Variants in FSTL5 observed in about 807,000 individuals in gnomAD.
FSTL5 encodes follistatin-related protein 5.
In FSTL5, 62 loss-of-function variants were observed where a neutral mutation model predicts 89.1. That is an observed-to-expected ratio of 0.70 (90% CI 0.57 to 0.86). The LOEUF is 0.86. Ranked by LOEUF, FSTL5 falls within the 40% of genes least tolerant of loss-of-function variation. The pLI is 0.00. For missense variants in FSTL5, 1,057 were observed against 1,001.6 expected (o/e 1.06, Z -0.75); for synonymous variants, 383 against 346.2 (o/e 1.11, Z -1.18).
chr4:161,728,914 C>A (rs148096375), intron 6 of FSTL5, among the ~76,000 whole-genome samples: 2 of 152,216 alleles, frequency 1.3e-5, no homozygotes, highest in African/African-American at 2.4e-5. Flanking sequence ...GTTAACGTTG[C>A]CACTGCTACA....
chr4:161,831,836 A>G (rs1730856008), intron 4 of FSTL5, among the ~76,000 whole-genome samples: 1 of 151,858 alleles, frequency 6.6e-6, no homozygotes, highest in South Asian at 2.1e-4. Context: ...GAAAAATTTA[A>G]AGACTTTTAA....
At chr4:161,668,486 G>A (rs1012340804) in intron 6 of FSTL5, among the ~76,000 whole-genome samples, 1 of 152,120 alleles carries the variant, frequency 6.6e-6, no homozygotes, top group Non-Finnish European at 1.5e-5. Context: ...TCACAAGATA[G>A]CAGAAGAAAT....
At chr4:161,589,475 G>A (rs554808767) in intron 7 of FSTL5, among the ~76,000 whole-genome samples, 7 of 152,066 alleles carry the variant, frequency 4.6e-5, no homozygotes, top group South Asian at 2.1e-4. Context: ...GAGCCACTAC[G>A]CCCAGCTAAT....
intron 3 of FSTL5, among the ~76,000 whole-genome samples, chr4:161,983,598 G>C (rs76973778): frequency 6.6e-6 from 1 of 151,994 alleles, no homozygotes; most frequent in Non-Finnish European, 1.5e-5. Flanking sequence ...TATGAAATAC[G>C]TGTCTTCCCT....
At chr4:161,474,312 A>T (rs1001616579) in intron 13 of FSTL5, among the ~76,000 whole-genome samples, 1 of 152,164 alleles carries the variant, frequency 6.6e-6, no homozygotes, top group Admixed American at 6.5e-5. Flanking sequence ...ATTATTTTAA[A>T]CGCATTATTT....
chr4:161,702,489 GGGT>G (rs931542897), intron 6 of FSTL5, among the ~76,000 whole-genome samples: 1 of 152,038 alleles, frequency 6.6e-6, no homozygotes, highest in African/African-American at 2.4e-5. Context: ...CTCCAAAAGG[GGGT>G]GCCATACCAG....
intron 6 of FSTL5, among the ~76,000 whole-genome samples, chr4:161,725,948 C>A (rs1033671843): frequency 6.6e-6 from 1 of 152,126 alleles, no homozygotes; most frequent in Non-Finnish European, 1.5e-5. Flanking sequence ...ATGCCAAAAA[C>A]CACAGTTACT....
chr4:161,523,339 A>G (rs1355166817), intron 10 of FSTL5, among the ~76,000 whole-genome samples: 2 of 152,186 alleles, frequency 1.3e-5, no homozygotes, highest in Non-Finnish European at 1.5e-5. Flanking sequence ...ATAGGCAGGA[A>G]GGAAATGATG....
chr4:162,042,949 G>A (rs1738023469), intron 2 of FSTL5, among the ~76,000 whole-genome samples: 1 of 114,276 alleles, frequency 8.8e-6, no homozygotes, highest in African/African-American at 3.4e-5. Context: ...ACTGTTGTGG[G>A]GTGGGGGGAG....
intron 1 of FSTL5, among the ~76,000 whole-genome samples, chr4:162,136,640 T>C (rs1732532682): frequency 6.6e-6 from 1 of 152,118 alleles, no homozygotes; most frequent in African/African-American, 2.4e-5. Flanking sequence ...GCCATTCATA[T>C]ACCAAAAGGA....
intron 5 of FSTL5, among the ~76,000 whole-genome samples, chr4:161,773,238 A>G (rs1741274521): frequency 2.0e-5 from 3 of 152,196 alleles, no homozygotes; most frequent in African/African-American, 7.2e-5. Context: ...AACCATAAAA[A>G]TTCTAGAAGA....
intron 12 of FSTL5, among the ~76,000 whole-genome samples, chr4:161,488,489 C>G (rs1452091000): frequency 6.6e-6 from 1 of 151,902 alleles, no homozygotes; most frequent in Admixed American, 6.6e-5. Flanking sequence ...ATTGTTTTCT[C>G]TTTATAAATA....
chr4:162,008,358 A>G (rs1736669855), intron 3 of FSTL5, among the ~76,000 whole-genome samples: 1 of 151,926 alleles, frequency 6.6e-6, no homozygotes, highest in Non-Finnish European at 1.5e-5. Flanking sequence ...GCCAATGTTA[A>G]GATCTACTAC....
intron 10 of FSTL5, among the ~76,000 whole-genome samples, chr4:161,527,777 C>T (rs1731277021): frequency 6.6e-6 from 1 of 151,418 alleles, no homozygotes; most frequent in Admixed American, 6.6e-5. Context: ...CCATTTGATC[C>T]AGCCATCCCA....
At chr4:161,731,405 T>C (rs965637528) in intron 6 of FSTL5, among the ~76,000 whole-genome samples, 1 of 152,070 alleles carries the variant, frequency 6.6e-6, no homozygotes, top group Non-Finnish European at 1.5e-5. Context: ...TAGGGGCAGA[T>C]TTCCCCCTTG....
At chr4:161,807,630 A>G (rs189211550) in intron 4 of FSTL5, among the ~76,000 whole-genome samples, 1 of 152,202 alleles carries the variant, frequency 6.6e-6, no homozygotes, top group Non-Finnish European at 1.5e-5. Flanking sequence ...GCCATAGACA[A>G]TACATAAATG....
chr4:162,116,511 C>T (rs558789968), intron 1 of FSTL5, among the ~76,000 whole-genome samples: 1 of 152,290 alleles, frequency 6.6e-6, no homozygotes, highest in East Asian at 1.9e-4. Context: ...CCCCCTGCCA[C>T]CCAACTCCCA....
chr4:161,505,418 C>T (rs142465657), intron 11 of FSTL5, among the ~76,000 whole-genome samples: 1 of 152,130 alleles, frequency 6.6e-6, no homozygotes, highest in African/African-American at 2.4e-5. Flanking sequence ...GTGAGTGTGT[C>T]AAGCTCTTTT....
intron 7 of FSTL5, among the ~76,000 whole-genome samples, chr4:161,614,500 G>A (rs1335615712): frequency 6.6e-6 from 1 of 152,066 alleles, no homozygotes; most frequent in African/African-American, 2.4e-5. Context: ...AAAGAAGCAA[G>A]GATTCCGAAA....
Sources: gnomAD v4.1 joint callset for allele counts (sites outside exome capture counted in the v4.1 genomes callset) on GRCh38, gnomAD v4.1.1 for gene constraint, MANE v1.5 for transcripts, NCBI Gene and HGNC (gene_info 2026-07-23, HGNC 2026-07-21) for gene names.